Variants in SFMBT2 observed in about 807,000 individuals in gnomAD.
SFMBT2 encodes scm-like with four MBT domains protein 2.
A neutral mutation model predicts 110.1 loss-of-function variants in SFMBT2; 38 were observed. The ratio of observed to expected loss-of-function variants is 0.35; its 90% CI spans 0.27 to 0.45. SFMBT2 has a LOEUF of 0.45. Ranked by LOEUF, SFMBT2 falls within the 20% of genes least tolerant of loss-of-function variation. SFMBT2 has a pLI of 1.00. For missense variants in SFMBT2, 1,011 were observed against 1,094.9 expected, an observed-to-expected ratio of 0.92 and a Z score of 1.08; for synonymous variants, 425 against 425.4, an observed-to-expected ratio of 1.00 and a Z score of 0.01.
chr10:7,246,787 G>A (rs2131728159), intron 8 of SFMBT2, among the ~76,000 whole-genome samples: 1 of 95,346 alleles, frequency 1.0e-5, no homozygotes, highest in East Asian at 8.1e-4. Flanking sequence ...CATCAAGTCT[G>A]TTGAGTTTAA....
intron 7 of SFMBT2, among the ~76,000 whole-genome samples, chr10:7,252,331 C>T (rs1840837436): frequency 6.6e-6 from 1 of 152,168 alleles, no homozygotes; most frequent in South Asian, 2.1e-4. Flanking sequence ...ATACAGCAGA[C>T]AGCAATGTGT....
intron 7 of SFMBT2, among the ~76,000 whole-genome samples, chr10:7,264,993 G>A (rs924704319): frequency 1.3e-5 from 2 of 150,312 alleles, no homozygotes; most frequent in East Asian, 1.9e-4. Context: ...AGCCTAGTCC[G>A]TGATCACTTT....
chr10:7,220,115 A>G (rs2131646905), intron 11 of SFMBT2, among the ~76,000 whole-genome samples: 1 of 152,336 alleles, frequency 6.6e-6, no homozygotes, highest in Non-Finnish European at 1.5e-5. Flanking sequence ...AGTGACTCAC[A>G]TTAATTTAAT....
At position 7,172,439 on chromosome 10, in the gene SFMBT2, C is replaced by A; in HGVS notation, c.2151+56G>T. 1.9e-6 allele frequency: 3 copies of A among 1,609,924 alleles called. No homozygotes were observed. Among genetic ancestry groups the A allele is most frequent in the Non-Finnish European group, 2.5e-6 (3 of 1,179,018 alleles). On this transcript the variant is annotated intron_variant, in intron 18 of 20. Coordinates refer to ENST00000397167, the MANE Select transcript of SFMBT2 (RefSeq NM_001387889.1). This position sits in a 1 kb window ranked among gnomAD's most constrained non-coding sequence, Gnocchi z 4.6. The stretch of plus-strand genomic sequence containing the variant: ...TCTGCTGTGAAGCAGCCACACTTGC[C>A]GGCCAGGGCCAGATGACAGAGCTAC...
chr10:7,341,507 T>C lies in SFMBT2; in HGVS notation c.436+26142A>G, dbSNP rs113500824. 1.6e-3 allele frequency among the ~76,000 whole-genome samples: 240 copies of C among 152,328 alleles called. 4 individuals carry two copies. The highest frequency in any genetic ancestry group is 5.4e-3 in the African/African-American group (223 of 41,576). ...GTGCTGATCTAATTTTGGTTTTTAT[T>C]CATTCAACAAATTTTTGAGGAGATA... On this transcript the variant is annotated intron_variant, in intron 4 of 20. Coordinates refer to ENST00000397167, the MANE Select transcript of SFMBT2 (RefSeq NM_001387889.1).
At chr10:7,281,338 G>A (rs569127655) in intron 6 of SFMBT2, among the ~76,000 whole-genome samples, 1 of 152,206 alleles carries the variant, frequency 6.6e-6, no homozygotes, top group Admixed American at 6.5e-5. Context: ...AGATGGTCCC[G>A]GCAGCAGGGA....
chr10:7,205,353 A>G (rs2131611520), intron 12 of SFMBT2: 1 of 967,000 alleles, frequency 1.0e-6, no homozygotes, highest in East Asian at 1.1e-4. Flanking sequence ...GGCCTCCCAA[A>G]GTACTGAGAT....
rs890217166 is a variant in SFMBT2 at position 7,163,320 on chromosome 10, G to C, written c.*450C>G. The C allele has an allele frequency of 1.3e-5, 2 of 157,158 alleles. No individual in the cohort carries two copies. Among genetic ancestry groups the C allele is most frequent in the African/African-American group, 4.8e-5 (2 of 41,450 alleles). The allele number at this position is 157,158 out of a possible 1,614,324, so 9.7% of individuals were successfully genotyped here. On this transcript the variant is annotated 3_prime_UTR_variant, in exon 21 of 21. Coordinates refer to ENST00000397167, the MANE Select transcript of SFMBT2 (RefSeq NM_001387889.1). This position sits in a 1 kb window ranked among gnomAD's most constrained non-coding sequence, Gnocchi z 4.8. ...GAAACCGCAAGTGCCACTCAACCAGGGTCACACGCCTATCCATGGGAAACT... is the reference window on the plus strand; with the variant it reads ...GAAACCGCAAGTGCCACTCAACCAGCGTCACACGCCTATCCATGGGAAACT...
intron 1 of SFMBT2, among the ~76,000 whole-genome samples, chr10:7,404,402 T>C (rs969186352): frequency 2.6e-5 from 4 of 152,312 alleles, no homozygotes; most frequent in African/African-American, 9.6e-5. Context: ...AGGGAAGGCA[T>C]ACCTTAATAT....
chr10:7,270,602 C>G (rs1286145237), intron 7 of SFMBT2, among the ~76,000 whole-genome samples: 1 of 152,204 alleles, frequency 6.6e-6, no homozygotes, highest in East Asian at 1.9e-4. Flanking sequence ...TATAAAGTGC[C>G]TAACCCCACA....
intron 13 of SFMBT2, chr10:7,201,012 GCT>G (rs1447926181): frequency 5.9e-6 from 1 of 168,744 alleles, no homozygotes; most frequent in Non-Finnish European, 1.2e-5. Context: ...CCAGGACAGA[GCT>G]CTGTTATAGT....
In SFMBT2 at chr10:7,172,680, G is replaced by T. The variant is rs1297677449; in HGVS notation, c.1985-19C>A. 1.2e-6 allele frequency: 2 copies of T among 1,605,672 alleles called. No homozygotes were observed. The highest frequency in any genetic ancestry group is 3.4e-5 in the Admixed American group (2 of 59,006). On this transcript the variant is annotated intron_variant, in intron 17 of 20. Coordinates refer to ENST00000397167, the MANE Select transcript of SFMBT2 (RefSeq NM_001387889.1). This position sits in a 1 kb window ranked among gnomAD's most constrained non-coding sequence, Gnocchi z 4.6. ...TAATAGGCTGTAGGAAGGAAGATGA[G>T]AAACTTTTGAAGGCTATACACACAC... is the stretch of plus-strand genomic sequence containing the variant.
chr10:7,249,428 A>G, intron 7 of SFMBT2: 1 of 738,042 alleles, frequency 1.4e-6, no homozygotes, highest in Non-Finnish European at 1.7e-6. Context: ...TCTTGCGGAG[A>G]TGGAGGTCAC....
chr10:7,236,594 C>A (rs148513325), intron 9 of SFMBT2, among the ~76,000 whole-genome samples: 352 of 152,220 alleles, frequency 2.3e-3, no homozygotes, highest in African/African-American at 8.2e-3. Context: ...AACTTCAATT[C>A]AATTCAAGCA....
At chr10:7,353,020 AAAAT>A (rs143079709) in intron 4 of SFMBT2, among the ~76,000 whole-genome samples, 9 of 151,762 alleles carry the variant, frequency 5.9e-5, no homozygotes, top group East Asian at 1.9e-4. Context: ...AAAATAAATA[AAAAT>A]AAATAAATAA....
rs561347125 is a variant in SFMBT2, at chr10:7,333,571, T to G, written c.436+34078A>C. Among the ~76,000 whole-genome samples the G allele has an allele frequency of 9.2e-5, 14 of 152,186 alleles. No individual in the cohort carries two copies. The East Asian group carries it at 2.7e-3, about 29-fold the overall frequency. On this transcript the variant is annotated intron_variant, in intron 4 of 20. Transcript: ENST00000397167. ...CCATGCCTAGCTAATTTTTTTTTTT[T>G]TGGTAGAGATGGGGTGTATTAGTAT...
At chr10:7,213,082 G>A (rs942002887) in intron 11 of SFMBT2, among the ~76,000 whole-genome samples, 3 of 152,036 alleles carry the variant, frequency 2.0e-5, no homozygotes, top group Non-Finnish European at 4.4e-5. Context: ...GCCTGTCAAG[G>A]GGTGGGGGTA....
At chr10:7,236,485 C>A (rs897177445) in intron 9 of SFMBT2, among the ~76,000 whole-genome samples, 1 of 152,068 alleles carries the variant, frequency 6.6e-6, no homozygotes, top group East Asian at 1.9e-4. Context: ...AGAGTCACAC[C>A]CACAAAGGGA....
rs563113385 is a variant in SFMBT2 at position 7,192,039 on chromosome 10, C to A, written c.1699-3306G>T. Among the ~76,000 whole-genome samples, 62 of 151,980 alleles carry A rather than the reference C, an allele frequency of 4.1e-4. No homozygotes were observed. The South Asian group carries it at 4.4e-3, about 11-fold the overall frequency. On this transcript the variant is annotated intron_variant, in intron 15 of 20. Coordinates refer to ENST00000397167, the MANE Select transcript of SFMBT2 (RefSeq NM_001387889.1). ...CTATGAGAAAATAATAAAGAAAAGC[C>A]TGACATGCAAAAAAAAAAATGTGCA... is the stretch of plus-strand genomic sequence containing the variant.
Sources: allele counts gnomAD v4.1 joint callset (sites outside exome capture counted in the v4.1 genomes callset), GRCh38; gene constraint gnomAD v4.1.1; non-coding constraint Gnocchi (gnomAD v3.1); transcripts MANE v1.5; gene names NCBI Gene and HGNC (gene_info 2026-07-23, HGNC 2026-07-21).